The following FRMD4B variants were observed in gnomAD, a reference collection of about 807,000 sequenced individuals.
FRMD4B encodes FERM domain containing 4B.
FRMD4B carries 74 observed loss-of-function variants against 141.5 expected under a neutral mutation model. The ratio of observed to expected loss-of-function variants is 0.52; its 90% CI spans 0.43 to 0.63. The LOEUF is 0.63. FRMD4B is among the 30% of genes least tolerant of loss of function. The pLI, the probability that FRMD4B is intolerant of heterozygous loss-of-function variation, is 0.00. For missense variants in FRMD4B, 1,366 were observed against 1,253.4 expected (o/e 1.09, Z -1.36); for synonymous variants, 506 against 467.9 (o/e 1.08, Z -1.05).
chr3:69,369,370 A>G (rs1459942256), intron 1 of FRMD4B, among the ~76,000 whole-genome samples: 1 of 152,192 alleles, frequency 6.6e-6, no homozygotes, highest in Non-Finnish European at 1.5e-5. Flanking sequence ...AAAAGAAAAA[A>G]GGGTAGAAAG....
chr3:69,245,343 G>GTT (rs1247686676), intron 7 of FRMD4B, among the ~76,000 whole-genome samples: 101 of 149,446 alleles, frequency 6.8e-4, no homozygotes, highest in African/African-American at 2.5e-3. Flanking sequence ...GTGTGTGTGT[G>GTT]TGTGTGTGTG....
intron 1 of FRMD4B, among the ~76,000 whole-genome samples, chr3:69,380,517 G>A (rs973274095): frequency 6.6e-5 from 10 of 152,126 alleles, no homozygotes; most frequent in South Asian, 2.1e-4. Context: ...TATATGTTCC[G>A]TCATGAATTT....
intron 3 of FRMD4B, 127 bp downstream of exon 3, chr3:69,311,136 A>C: frequency 2.0e-6 from 1 of 504,722 alleles, no homozygotes. Context: ...CATATTAAAA[A>C]ACCTTTAGCT....
intron 5 of FRMD4B, among the ~76,000 whole-genome samples, chr3:69,286,843 C>T (rs145863930): frequency 5.3e-5 from 8 of 152,358 alleles, no homozygotes; most frequent in African/African-American, 1.7e-4. Context: ...CTAACTCTGT[C>T]GCCCAGGCTG....
chr3:69,472,925 C>CTGTTTTTTTTTTTT (rs1705918938), intron 1 of FRMD4B, among the ~76,000 whole-genome samples: 1 of 90,916 alleles, frequency 1.1e-5, no homozygotes, highest in African/African-American at 4.8e-5. Flanking sequence ...GTGAGTCTTT[C>CTGTTTTTTTTTTTT]TTTTTTTTTT....
intron 1 of FRMD4B, among the ~76,000 whole-genome samples, chr3:69,469,618 T>C (rs1212680283): frequency 6.6e-6 from 1 of 152,202 alleles, no homozygotes; most frequent in African/African-American, 2.4e-5. Flanking sequence ...AATTATATTT[T>C]GCTCACTGGT....
chr3:69,200,597 T>C, intron 11 of FRMD4B: 4 of 1,192,200 alleles, frequency 3.4e-6, no homozygotes, highest in Non-Finnish European at 4.2e-6. Context: ...TCAGCAACTC[T>C]CCTGAGTGAC....
At chr3:69,256,305 A>G (rs1013685283) in intron 5 of FRMD4B, among the ~76,000 whole-genome samples, 2 of 152,128 alleles carry the variant, frequency 1.3e-5, no homozygotes, top group African/African-American at 4.8e-5. Context: ...GCTGGGTCAG[A>G]CAAATCCACA....
chr3:69,476,903 T>C (rs369490520), intron 1 of FRMD4B, among the ~76,000 whole-genome samples: 4 of 152,190 alleles, frequency 2.6e-5, no homozygotes, highest in African/African-American at 4.8e-5. Context: ...GTAGTTCTCC[T>C]TGAAGAGGTC....
intron 2 of FRMD4B, among the ~76,000 whole-genome samples, chr3:69,399,258 T>A (rs1056081334): frequency 1.3e-5 from 2 of 152,174 alleles, no homozygotes; most frequent in African/African-American, 4.8e-5. Flanking sequence ...TTGTTTGTGG[T>A]CCAGTTTCTA....
Position 69,287,785 on chromosome 3 carries a change from C to T in FRMD4B, c.468G>A (p.Leu156=). ...SFLKDKTTVE[L]FFLNAKACVH... is the part of the protein sequence containing the mutation. The stretch of plus-strand genomic sequence containing the variant: ...CACAGGCCTTTGCATTCAGGAAAAA[C>T]AGCTCCACGGTGGTTTTATCCTTTA... The change falls in exon 5 of 23, where the codon CTG becomes CTA. Residue 156 remains leucine, a synonymous_variant. Transcript: ENST00000398540. The T allele has an allele frequency of 6.2e-7, 1 of 1,606,058 alleles. No homozygotes were observed. Among genetic ancestry groups the T allele is most frequent in the Non-Finnish European group, 8.5e-7 (1 of 1,173,618 alleles).
chr3:69,510,383 T>C (rs556779653), intron 1 of FRMD4B, among the ~76,000 whole-genome samples: 1 of 152,220 alleles, frequency 6.6e-6, no homozygotes, highest in South Asian at 2.1e-4. Context: ...TGATGATTCA[T>C]AGACGTTTTA....
intron 21 of FRMD4B, 130 bp downstream of exon 21, chr3:69,180,769 G>T (rs1228853396): frequency 3.2e-6 from 2 of 633,718 alleles, no homozygotes; most frequent in East Asian, 5.4e-5. Context: ...CTTATTGTGG[G>T]GTTCCACCGA....
intron 1 of FRMD4B, among the ~76,000 whole-genome samples, chr3:69,437,456 C>A (rs1436587478): frequency 6.8e-6 from 1 of 146,544 alleles, no homozygotes; most frequent in Non-Finnish European, 1.5e-5. Context: ...AAAATATATA[C>A]ACTAGTGTAT....
At chr3:69,307,746 A>G (rs1032287302) in intron 3 of FRMD4B, among the ~76,000 whole-genome samples, 1 of 152,166 alleles carries the variant, frequency 6.6e-6, no homozygotes, top group East Asian at 1.9e-4. Flanking sequence ...GAAGCCTCCC[A>G]TGTGGCCAGG....
chr3:69,417,997 G>A (rs1704898385), intron 2 of FRMD4B, among the ~76,000 whole-genome samples: 1 of 151,882 alleles, frequency 6.6e-6, no homozygotes, highest in Non-Finnish European at 1.5e-5. Flanking sequence ...CTTTCACAGG[G>A]GTCTTGTGAT....
chr3:69,220,667 C>A (rs796863316), intron 9 of FRMD4B, among the ~76,000 whole-genome samples: 3 of 152,276 alleles, frequency 2.0e-5, no homozygotes, highest in African/African-American at 7.2e-5. Context: ...GCCAGGCCAA[C>A]ATGGGGAAAC....
intron 4 of FRMD4B, among the ~76,000 whole-genome samples, 152 bp from the exon 5 acceptor site, chr3:69,287,988 G>A (rs1038420926): frequency 4.6e-5 from 7 of 152,170 alleles, no homozygotes; most frequent in Non-Finnish European, 7.3e-5. Flanking sequence ...TGCACCGCAC[G>A]TATTTATGTG....
chr3:69,482,674 C>A (rs1407759827), intron 1 of FRMD4B, among the ~76,000 whole-genome samples: 1 of 152,170 alleles, frequency 6.6e-6, no homozygotes, highest in African/African-American at 2.4e-5. Flanking sequence ...AAATCTTTCA[C>A]CAACTGTTCC....
Sources: gnomAD v4.1 joint callset for allele counts (sites outside exome capture counted in the v4.1 genomes callset) on GRCh38, gnomAD v4.1.1 for gene constraint, MANE v1.5 for transcripts, NCBI Gene and HGNC (gene_info 2026-07-23, HGNC 2026-07-21) for gene names.